Variants in NCKAP5 observed in about 807,000 individuals in gnomAD.
The protein encoded by NCKAP5 is nck-associated protein 5.
In NCKAP5, 92 loss-of-function variants were observed where a neutral mutation model predicts 167.0. The observed-to-expected ratio is 0.55, with a 90% CI of 0.47 to 0.66. The LOEUF is 0.66. NCKAP5 is among the 30% of genes least tolerant of loss of function. The pLI is 0.00. For missense variants in NCKAP5, 2,378 were observed against 2,315.0 expected, an observed-to-expected ratio of 1.03 and a Z score of -0.56; for synonymous variants, 891 against 877.4, an observed-to-expected ratio of 1.02 and a Z score of -0.27.
At chr2:132,885,431 G>GT (rs1238288700) in intron 8 of NCKAP5, among the ~76,000 whole-genome samples, 1 of 152,190 alleles carries the variant, frequency 6.6e-6, no homozygotes, top group Non-Finnish European at 1.5e-5. Flanking sequence ...TCAAGTAAAT[G>GT]TAACAGTGAA....
At chr2:132,818,158 G>A (rs1686428477) in intron 11 of NCKAP5, among the ~76,000 whole-genome samples, 1 of 152,146 alleles carries the variant, frequency 6.6e-6, no homozygotes, top group Non-Finnish European at 1.5e-5. Context: ...ATGTTGCCCA[G>A]GCTGGTTTCC....
At chr2:132,723,283 C>A (rs1014571304) in intron 19 of NCKAP5, among the ~76,000 whole-genome samples, 3 of 151,762 alleles carry the variant, frequency 2.0e-5, no homozygotes, top group Admixed American at 1.3e-4. Flanking sequence ...AGACTACAGG[C>A]CTCCCAAGTA....
chr2:133,616,705 C>A, the NCKAP5 span, among the ~76,000 whole-genome samples: 1 of 151,952 alleles, frequency 6.6e-6, no homozygotes, highest in Non-Finnish European at 1.5e-5. Context: ...GGATTCACAG[C>A]TGAATTCTAC....
chr2:132,996,524 G>A (rs550079768), intron 6 of NCKAP5, among the ~76,000 whole-genome samples: 241 of 152,144 alleles, frequency 1.6e-3, no homozygotes, highest in Non-Finnish European at 1.6e-3. Flanking sequence ...CACTTCCTAA[G>A]ATAACTCCTC....
At chr2:132,826,324 A>T (rs1381321686) in intron 11 of NCKAP5, among the ~76,000 whole-genome samples, 1 of 152,190 alleles carries the variant, frequency 6.6e-6, no homozygotes, top group Non-Finnish European at 1.5e-5. Flanking sequence ...ATTTAATTTT[A>T]TGTATTCTTT....
chr2:133,537,237 T>G (rs929958022), intron 2 of NCKAP5, among the ~76,000 whole-genome samples: 1 of 152,104 alleles, frequency 6.6e-6, no homozygotes, highest in Non-Finnish European at 1.5e-5. Context: ...GTGTGAATCT[T>G]CCAACTTCAT....
At chr2:133,470,301 G>T (rs1377962977) in intron 3 of NCKAP5, among the ~76,000 whole-genome samples, 1 of 151,974 alleles carries the variant, frequency 6.6e-6, no homozygotes. Context: ...CTGCTGGGGG[G>T]TGCCTCCCAG....
At chr2:132,701,786 T>A (rs1687906686) in intron 19 of NCKAP5, among the ~76,000 whole-genome samples, 1 of 152,180 alleles carries the variant, frequency 6.6e-6, no homozygotes, top group Non-Finnish European at 1.5e-5. Flanking sequence ...CTTATGTCTA[T>A]GACTTGTTCC....
At chr2:132,763,855 A>G (rs1681219743) in intron 16 of NCKAP5, among the ~76,000 whole-genome samples, 1 of 152,172 alleles carries the variant, frequency 6.6e-6, no homozygotes, top group African/African-American at 2.4e-5. Flanking sequence ...GAGGGCAGAT[A>G]CTATGTCTTA....
chr2:133,407,420 C>T (rs1413285190), intron 3 of NCKAP5, among the ~76,000 whole-genome samples: 1 of 152,196 alleles, frequency 6.6e-6, no homozygotes, highest in African/African-American at 2.4e-5. Flanking sequence ...TAAAAATAAT[C>T]CACTTACCAC....
chr2:133,121,355 A>G (rs1028246465), intron 6 of NCKAP5, among the ~76,000 whole-genome samples: 1 of 152,164 alleles, frequency 6.6e-6, no homozygotes, highest in African/African-American at 2.4e-5. Context: ...TTAAATGATG[A>G]CACTATTAAA....
intron 3 of NCKAP5, among the ~76,000 whole-genome samples, chr2:133,305,502 A>T (rs1265204042): frequency 6.6e-6 from 1 of 152,206 alleles, no homozygotes; most frequent in Non-Finnish European, 1.5e-5. Context: ...TCTTTTCAAA[A>T]GGAAGATCAC....
the NCKAP5 span, among the ~76,000 whole-genome samples, chr2:133,618,524 C>T: frequency 6.7e-6 from 1 of 149,196 alleles, no homozygotes; most frequent in Admixed American, 6.7e-5. Context: ...CAAAAGAAGA[C>T]ATTTATGCAG....
At chr2:133,590,704 T>C in the NCKAP5 span, among the ~76,000 whole-genome samples, 1 of 152,144 alleles carries the variant, frequency 6.6e-6, no homozygotes, top group South Asian at 2.1e-4. Flanking sequence ...CATCTTTAAA[T>C]ACCATCGCCT....
At chr2:132,720,683 C>T (rs1391862925) in intron 19 of NCKAP5, among the ~76,000 whole-genome samples, 1 of 152,148 alleles carries the variant, frequency 6.6e-6, no homozygotes, top group Non-Finnish European at 1.5e-5. Context: ...GACCGACTGC[C>T]ACTATCAAAT....
intron 13 of NCKAP5, among the ~76,000 whole-genome samples, chr2:132,789,136 T>C (rs961444421): frequency 8.6e-5 from 13 of 151,942 alleles, no homozygotes; most frequent in African/African-American, 3.1e-4. Context: ...CAGCCAAAAA[T>C]TAAAAGAAAG....
rs560861435 is a variant in NCKAP5, at chr2:133,091,743, C to T, written c.341+38235G>A. Among the ~76,000 whole-genome samples, 302 of 152,056 alleles carry T rather than the reference C, an allele frequency of 2.0e-3. 2 individuals carry two copies. The highest frequency in any genetic ancestry group is 3.2e-3 in the Non-Finnish European group (219 of 67,980). The stretch of plus-strand genomic sequence containing the variant: ...TCTACCAAAAATACAAAAAATTAGC[C>T]GGGCATGGTGGTGGGTGCCTGTAGT... On this transcript the variant is annotated intron_variant, in intron 6 of 19. Coordinates refer to ENST00000409261, the MANE Select transcript of NCKAP5 (RefSeq NM_207363.3).
intron 8 of NCKAP5, among the ~76,000 whole-genome samples, chr2:132,927,391 T>A (rs780970105): frequency 5.9e-5 from 9 of 151,862 alleles, no homozygotes; most frequent in Non-Finnish European, 1.3e-4. Flanking sequence ...TTTTTCCCAA[T>A]TCTGTGAAAA....
chr2:132,810,199 T>C (rs930110967), intron 11 of NCKAP5, among the ~76,000 whole-genome samples: 4 of 151,680 alleles, frequency 2.6e-5, no homozygotes, highest in African/African-American at 9.7e-5. Context: ...TGGTGCCTCT[T>C]AGGATTCTTA....
Sources: allele counts gnomAD v4.1 joint callset (sites outside exome capture counted in the v4.1 genomes callset), GRCh38; gene constraint gnomAD v4.1.1; transcripts MANE v1.5; gene names NCBI Gene and HGNC (gene_info 2026-07-23, HGNC 2026-07-21).